Variants in CALN1 observed in about 807,000 individuals in gnomAD.
CALN1 encodes the protein calneuron 1, also known as calcium-binding protein 8.
CALN1 carries 17 observed loss-of-function variants against 30.6 expected under a neutral mutation model. The observed-to-expected ratio is 0.56, with a 90% CI of 0.38 to 0.83. The LOEUF is 0.83. CALN1 is among the 40% of genes least tolerant of loss of function. The probability of loss-of-function intolerance (pLI) is 0.00; values close to 1 mark genes in which losing one functional copy is unlikely to be tolerated. For synonymous variants in CALN1, 156 were observed against 131.4 expected (o/e 1.19, Z -1.28); for missense variants, 291 against 354.9 (o/e 0.82, Z 1.45).
intron 6 of CALN1, among the ~76,000 whole-genome samples, chr7:71,806,368 G>A (rs886599639): frequency 4.7e-5 from 7 of 149,394 alleles, no homozygotes; most frequent in South Asian, 2.1e-4. Context: ...GTGCAATGGC[G>A]CGATCTTGGT....
At chr7:72,298,432 A>G (rs928124568) in intron 2 of CALN1, among the ~76,000 whole-genome samples, 7 of 152,170 alleles carry the variant, frequency 4.6e-5, no homozygotes, top group African/African-American at 1.7e-4. Context: ...CTTCTGTCCA[A>G]TCTGATGAAC....
chr7:72,490,597 G>T, the CALN1 span, among the ~76,000 whole-genome samples: 5 of 152,146 alleles, frequency 3.3e-5, no homozygotes, highest in South Asian at 8.3e-4. Context: ...GCGCCTGGTG[G>T]GAGGTGACTG....
At chr7:72,449,794 G>C (rs1808624470), upstream of CALN1, among the ~76,000 whole-genome samples, 1 of 134,288 alleles carries the variant, frequency 7.4e-6, no homozygotes, top group African/African-American at 2.7e-5. Context: ...AGAATGGCGT[G>C]AACCTGGGAG....
intron 4 of CALN1, among the ~76,000 whole-genome samples, chr7:72,094,274 T>C (rs1238527956): frequency 1.1e-5 from 1 of 87,010 alleles, no homozygotes; most frequent in Non-Finnish European, 2.2e-5. Context: ...CATACCAGAA[T>C]TTTTTTTTTA....
intron 2 of CALN1, among the ~76,000 whole-genome samples, chr7:72,323,588 G>A (rs1415965081): frequency 6.6e-6 from 1 of 151,664 alleles, no homozygotes; most frequent in Non-Finnish European, 1.5e-5. Flanking sequence ...GCTTGAACCT[G>A]GGAGGCAGAG....
chr7:72,488,362 T>C, the CALN1 span, among the ~76,000 whole-genome samples: 1 of 151,876 alleles, frequency 6.6e-6, no homozygotes, highest in African/African-American at 2.4e-5. Flanking sequence ...TAGAGCAAGA[T>C]CCTGTCTCAA....
intron 4 of CALN1, among the ~76,000 whole-genome samples, chr7:72,076,813 C>G (rs1804777055): frequency 6.6e-6 from 1 of 151,988 alleles, no homozygotes; most frequent in Non-Finnish European, 1.5e-5. Flanking sequence ...GAGAAGGTTA[C>G]TGGATTGGGC....
At chr7:72,212,665 T>C (rs1163428473) in intron 3 of CALN1, among the ~76,000 whole-genome samples, 2 of 151,838 alleles carry the variant, frequency 1.3e-5, no homozygotes, top group Admixed American at 1.3e-4. Flanking sequence ...GAATAAAAAA[T>C]GAGCCAGGCC....
chr7:71,988,633 G>C (rs952289539), intron 5 of CALN1, among the ~76,000 whole-genome samples: 1 of 152,130 alleles, frequency 6.6e-6, no homozygotes, highest in Non-Finnish European at 1.5e-5. Flanking sequence ...GTATTCTTCT[G>C]GGAAATTAGG....
At chr7:72,352,478 A>G (rs1802981277) in intron 2 of CALN1, among the ~76,000 whole-genome samples, 1 of 152,068 alleles carries the variant, frequency 6.6e-6, no homozygotes, top group Non-Finnish European at 1.5e-5. Context: ...TAAATTAGAA[A>G]TCAGTAATAA....
At chr7:72,369,341 A>ATTTATAATATATATTTATATAT (rs1562927639) in intron 2 of CALN1, among the ~76,000 whole-genome samples, 2 of 101,274 alleles carry the variant, frequency 2.0e-5, no homozygotes, top group African/African-American at 7.3e-5. Flanking sequence ...ATTTATAAAT[A>ATTTATAATATATATTTATATAT]TTATAAATAT....
At chr7:72,300,436 G>GA (rs72368872) in intron 2 of CALN1, among the ~76,000 whole-genome samples, 6,667 of 147,970 alleles carry the variant, frequency 0.045, 313 homozygotes, top group African/African-American at 0.11. Flanking sequence ...ATAAAAACAA[G>GA]AAAAAAAAAC....
At chr7:72,216,217 C>G (rs1585186740) in intron 3 of CALN1, among the ~76,000 whole-genome samples, 1 of 151,928 alleles carries the variant, frequency 6.6e-6, no homozygotes, top group Non-Finnish European at 1.5e-5. Flanking sequence ...GAGTTCGAGA[C>G]CAGCTTGGGC....
At chr7:72,080,615 T>C (rs1293678717) in intron 4 of CALN1, among the ~76,000 whole-genome samples, 1 of 152,178 alleles carries the variant, frequency 6.6e-6, no homozygotes, top group African/African-American at 2.4e-5. Flanking sequence ...CCTGGGGTAT[T>C]TGACAGAAAA....
chr7:72,009,438 A>G (rs555949939), intron 5 of CALN1, among the ~76,000 whole-genome samples: 1 of 152,366 alleles, frequency 6.6e-6, no homozygotes, highest in East Asian at 1.9e-4. Context: ...AAATGATTTA[A>G]TAATAGGAAA....
intron 5 of CALN1, among the ~76,000 whole-genome samples, chr7:71,884,166 GCCT>G (rs1792756739): frequency 6.6e-6 from 1 of 152,096 alleles, no homozygotes; most frequent in Admixed American, 6.5e-5. Flanking sequence ...GTCCCCCTCG[GCCT>G]CCCAAAGTGC....
At chr7:72,105,975 A>G (rs932866745) in intron 4 of CALN1, among the ~76,000 whole-genome samples, 176 bp downstream of exon 4, 2 of 152,148 alleles carry the variant, frequency 1.3e-5, no homozygotes, top group African/African-American at 4.8e-5. Flanking sequence ...CCATCTCTAC[A>G]GGCCCCTAGA....
At chr7:72,458,675 T>C in the CALN1 span, among the ~76,000 whole-genome samples, 1 of 18,536 alleles carries the variant, frequency 5.4e-5, no homozygotes, top group Non-Finnish European at 7.8e-5. Context: ...TATTCTATAT[T>C]ATATAATATA....
intron 5 of CALN1, among the ~76,000 whole-genome samples, chr7:71,902,197 C>G (rs564086008): frequency 3.6e-4 from 54 of 152,014 alleles, no homozygotes; most frequent in African/African-American, 1.3e-3. Flanking sequence ...GCACTCCAGC[C>G]TGGGTGACAA....
Sources: gnomAD v4.1 joint callset for allele counts (sites outside exome capture counted in the v4.1 genomes callset) on GRCh38, gnomAD v4.1.1 for gene constraint, MANE v1.5 for transcripts, NCBI Gene and HGNC (gene_info 2026-07-23, HGNC 2026-07-21) for gene names.